Variants in LRRTM3 observed in about 807,000 individuals in gnomAD.
The protein encoded by LRRTM3 is leucine rich repeat transmembrane neuronal 3, also known as leucine-rich repeat transmembrane neuronal protein 3.
In LRRTM3, 24 loss-of-function variants were observed where a neutral mutation model predicts 44.7. The observed-to-expected ratio is 0.54, with a 90% CI of 0.39 to 0.76. LRRTM3 has a LOEUF of 0.76. Among genes scored for constraint, LRRTM3 ranks in the 30% least tolerant of loss-of-function variants. LRRTM3 has a pLI of 0.00. For missense variants in LRRTM3, 587 were observed against 702.2 expected (o/e 0.84, Z 1.85); for synonymous variants, 277 against 278.7 (o/e 0.99, Z 0.06).
intron 2 of LRRTM3, among the ~76,000 whole-genome samples, chr10:67,047,043 C>T (rs897037679): frequency 1.3e-5 from 2 of 152,214 alleles, no homozygotes; most frequent in African/African-American, 4.8e-5. Flanking sequence ...TCCAGGAGCA[C>T]TGCCTGTATC....
In LRRTM3 at chr10:67,097,638, A is replaced by G. The variant is rs781343554; in HGVS notation, c.1588A>G (p.Ile530Val). 1.1e-5 allele frequency: 17 copies of G among 1,612,494 alleles called. No individual in the cohort carries two copies. The highest frequency in any genetic ancestry group is 4.5e-5 in the East Asian group (2 of 44,842). Residue 530 changes from isoleucine to valine, a missense_variant, in exon 3 of 3, where the codon ATA becomes GTA. Physicochemically the swap from Ile to Val is conservative, Grantham distance 29. Transcript: ENST00000361320. ...STFLAYDQPT[I>V]SYCGVHHELL... Reference sequence around the variant, plus strand: ...CTTTCTGGCATACGACCAGCCCACAATAAGTTACTGTGGGGTGCATCATGA... The same window carrying G: ...CTTTCTGGCATACGACCAGCCCACAGTAAGTTACTGTGGGGTGCATCATGA...
At chr10:67,040,448 C>T (rs1027434671) in intron 2 of LRRTM3, among the ~76,000 whole-genome samples, 20 of 152,022 alleles carry the variant, frequency 1.3e-4, no homozygotes, top group African/African-American at 4.3e-4. Flanking sequence ...TCCAATTTGT[C>T]ATCACAAATT....
At position 66,927,822 on chromosome 10, in the gene LRRTM3, A is replaced by T. The variant is rs1847157773; in HGVS notation, c.906A>T (p.Ile302=). 17 of 1,614,256 alleles carry T rather than the reference A, an allele frequency of 1.1e-5. No individual in the cohort carries two copies. The East Asian group carries it at 3.8e-4, about 36-fold the overall frequency. ...GTCAAGAGATTTTGGATTCTTGGAT[A>T]TCCCTCAATGACATCAGTCTTGCTG... is the stretch of plus-strand genomic sequence containing the variant. ...FIGQEILDSW[I]SLNDISLAGN... is the part of the protein sequence containing the mutation. Residue 302 remains isoleucine (I), a synonymous_variant, in exon 2 of 3, where the codon ATA becomes ATT. Coordinates refer to ENST00000361320, the MANE Select transcript of LRRTM3 (RefSeq NM_178011.5). This position sits in a 1 kb window ranked among gnomAD's most constrained non-coding sequence, Gnocchi z 4.7.
intron 2 of LRRTM3, among the ~76,000 whole-genome samples, chr10:67,025,803 G>A (rs190196518): frequency 6.6e-6 from 1 of 151,898 alleles, no homozygotes; most frequent in African/African-American, 2.4e-5. Context: ...AAAGACACAT[G>A]CACACGTATG....
intron 2 of LRRTM3, among the ~76,000 whole-genome samples, chr10:66,955,522 G>A (rs1589486316): frequency 6.6e-6 from 1 of 152,122 alleles, no homozygotes; most frequent in East Asian, 1.9e-4. Flanking sequence ...GCACTTATCT[G>A]TTTGGCTCCA....
chr10:67,027,392 T>C (rs1486785480), intron 2 of LRRTM3, among the ~76,000 whole-genome samples: 1 of 152,098 alleles, frequency 6.6e-6, no homozygotes, highest in Non-Finnish European at 1.5e-5. Context: ...TAAATACCTA[T>C]ATTTCTGTCA....
chr10:67,049,254 T>C (rs1007314509), intron 2 of LRRTM3, among the ~76,000 whole-genome samples: 1 of 152,094 alleles, frequency 6.6e-6, no homozygotes, highest in African/African-American at 2.4e-5. Context: ...ATGTAGACCG[T>C]GCCTGATAAG....
At chr10:66,953,852 A>G (rs188132757) in intron 2 of LRRTM3, among the ~76,000 whole-genome samples, 6 of 152,164 alleles carry the variant, frequency 3.9e-5, no homozygotes, top group African/African-American at 1.4e-4. Flanking sequence ...TCAAATCTCA[A>G]CCAGAAGAGC....
chr10:66,963,173 G>A (rs968875810), intron 2 of LRRTM3, among the ~76,000 whole-genome samples: 2 of 152,122 alleles, frequency 1.3e-5, no homozygotes, highest in Non-Finnish European at 2.9e-5. Flanking sequence ...TAGAAATACT[G>A]TAAAAACTAA....
At chr10:66,994,516 G>GA (rs951681155) in intron 2 of LRRTM3, among the ~76,000 whole-genome samples, 1 of 151,940 alleles carries the variant, frequency 6.6e-6, no homozygotes, top group Non-Finnish European at 1.5e-5. Flanking sequence ...TCTAAAGTAG[G>GA]AAAAAAGCAG....
intron 2 of LRRTM3, among the ~76,000 whole-genome samples, chr10:66,930,030 G>C (rs1404711387): frequency 6.6e-6 from 1 of 151,874 alleles, no homozygotes; most frequent in Non-Finnish European, 1.5e-5. Context: ...CAGCAACAAA[G>C]AAAAAGTGAA....
chr10:66,962,981 T>TGAAC (rs1849202297), intron 2 of LRRTM3, among the ~76,000 whole-genome samples: 1 of 152,226 alleles, frequency 6.6e-6, no homozygotes, highest in Admixed American at 6.5e-5. Flanking sequence ...GTTGACTGAA[T>TGAAC]GAATGAATGA....
intron 2 of LRRTM3, among the ~76,000 whole-genome samples, chr10:66,969,288 T>G (rs982354299): frequency 6.6e-6 from 1 of 152,160 alleles, no homozygotes; most frequent in Non-Finnish European, 1.5e-5. Flanking sequence ...TTATGTCTTA[T>G]TTTTATAACT....
chr10:67,052,313 ACTCT>A (rs3841706), intron 2 of LRRTM3, among the ~76,000 whole-genome samples: 10,502 of 120,838 alleles, frequency 0.087, 454 homozygotes, highest in Non-Finnish European at 0.1. Flanking sequence ...CCCACTCATC[ACTCT>A]CTCTCTCTCT....
intron 2 of LRRTM3, among the ~76,000 whole-genome samples, chr10:67,029,639 T>C (rs1373386127): frequency 6.6e-6 from 1 of 152,220 alleles, no homozygotes; most frequent in Non-Finnish European, 1.5e-5. Context: ...TTTTTCTCAT[T>C]GCCTTTAAAA....
chr10:67,039,240 T>C (rs1854252939), intron 2 of LRRTM3, among the ~76,000 whole-genome samples: 1 of 152,144 alleles, frequency 6.6e-6, no homozygotes, highest in Non-Finnish European at 1.5e-5. Context: ...ATACCAAGTG[T>C]AGCAGATGTA....
chr10:66,936,190 A>C (rs941444025), intron 2 of LRRTM3, among the ~76,000 whole-genome samples: 2 of 152,198 alleles, frequency 1.3e-5, no homozygotes, highest in African/African-American at 4.8e-5. Flanking sequence ...GGTCTAACAC[A>C]CACAGATGTG....
At chr10:66,948,513 C>T (rs1200898810) in intron 2 of LRRTM3, among the ~76,000 whole-genome samples, 3 of 152,120 alleles carry the variant, frequency 2.0e-5, no homozygotes, top group African/African-American at 7.2e-5. Flanking sequence ...ATTTTCAATG[C>T]TCTCAATTAA....
In LRRTM3 at chr10:67,094,663, T is replaced by C. The variant is rs1002838027; in HGVS notation, c.1537-2924T>C. ...TTGTACTACATCTGTATACAATACTTATAAATTAAAAATTGAGGAAGAAAT... is the reference window on the plus strand; with the variant it reads ...TTGTACTACATCTGTATACAATACTCATAAATTAAAAATTGAGGAAGAAAT... On this transcript the variant is annotated intron_variant, in intron 2 of 2. Transcript: ENST00000361320. Among the ~76,000 whole-genome samples, 3 of 151,782 alleles carry C rather than the reference T, an allele frequency of 2.0e-5. No homozygotes were observed. The Admixed American group carries it at 2.0e-4, about 10-fold the overall frequency.
Sources: allele counts gnomAD v4.1 joint callset (sites outside exome capture counted in the v4.1 genomes callset), GRCh38; gene constraint gnomAD v4.1.1; non-coding constraint Gnocchi (gnomAD v3.1); transcripts MANE v1.5; gene names NCBI Gene and HGNC (gene_info 2026-07-23, HGNC 2026-07-21).